Variants in COL25A1 observed in about 807,000 individuals in gnomAD.
COL25A1 encodes the protein collagen alpha-1(XXV) chain.
In COL25A1, 103 loss-of-function variants were observed where a neutral mutation model predicts 128.4. The observed-to-expected ratio is 0.80, with a 90% confidence interval of 0.68 to 0.94. The LOEUF (loss-of-function observed/expected upper bound fraction) is 0.94. COL25A1 is among the 40% of genes least tolerant of loss of function. The probability of loss-of-function intolerance (pLI) is 0.00; values close to 1 mark genes in which losing one functional copy is unlikely to be tolerated. For missense variants in COL25A1, 745 were observed against 840.0 expected (o/e 0.89, Z 1.40); for synonymous variants, 279 against 277.2 (o/e 1.01, Z -0.06).
chr4:109,072,618 C>T (rs1429033874), intron 3 of COL25A1, among the ~76,000 whole-genome samples: 1 of 152,276 alleles, frequency 6.6e-6, no homozygotes, highest in Non-Finnish European at 1.5e-5. Flanking sequence ...CACTTCTGTC[C>T]TTTCTAAGGT....
intron 24 of COL25A1, among the ~76,000 whole-genome samples, chr4:108,856,872 T>C (rs1736582414): frequency 6.6e-6 from 1 of 152,112 alleles, no homozygotes; most frequent in Admixed American, 6.6e-5. Flanking sequence ...AAAATCACCC[T>C]AAGAATAGTA....
Position 108,846,135 on chromosome 4 carries a change from A to G in COL25A1, c.1515+4T>C. On this transcript the variant is annotated splice_donor_region_variant and intron_variant, in intron 28 of 37. Coordinates refer to ENST00000399132, the MANE Select transcript of COL25A1 (RefSeq NM_198721.4). Reference sequence around the variant, plus strand: ...GTATAAACAAACAGAAAGTATAAACATACCGGTAATCCAGGAAGTCCAATT... The same window carrying G: ...GTATAAACAAACAGAAAGTATAAACGTACCGGTAATCCAGGAAGTCCAATT... 6.3e-7 allele frequency: 1 copy of G among 1,584,964 alleles called. No individual in the cohort carries two copies. Among genetic ancestry groups the G allele is most frequent in the Non-Finnish European group, 8.7e-7 (1 of 1,153,498 alleles).
chr4:109,300,108 G>C (rs568373547), intron 3 of COL25A1, among the ~76,000 whole-genome samples: 86 of 145,698 alleles, frequency 5.9e-4, no homozygotes, highest in African/African-American at 2.1e-3. Context: ...CTTTTTAATA[G>C]AACAGAAACA....
chr4:109,209,724 T>C (rs1560871598), intron 3 of COL25A1, among the ~76,000 whole-genome samples: 1 of 152,098 alleles, frequency 6.6e-6, no homozygotes, highest in Non-Finnish European at 1.5e-5. Flanking sequence ...TTTACTACTG[T>C]ATCTTATGTT....
At chr4:109,111,981 G>T (rs1055462066) in intron 3 of COL25A1, among the ~76,000 whole-genome samples, 1 of 151,980 alleles carries the variant, frequency 6.6e-6, no homozygotes, top group South Asian at 2.1e-4. Context: ...AGAATCTCAC[G>T]TTTAATCTAA....
In COL25A1 at chr4:108,947,271, G is replaced by A. The variant is rs147408822; in HGVS notation, c.493-5834C>T. On this transcript the variant is annotated intron_variant, in intron 8 of 37. Coordinates refer to ENST00000399132, the MANE Select transcript of COL25A1 (RefSeq NM_198721.4). ...AGCCTGGCCAACATGGTGAAACCCC[G>A]TCCCTACTAAAAATATGAAAATTAG... Among the ~76,000 whole-genome samples the A allele has an allele frequency of 4.8e-3, 726 of 151,948 alleles. 13 individuals carry two copies. In the East Asian group the frequency reaches 0.062, roughly 13 times the overall value.
intron 3 of COL25A1, among the ~76,000 whole-genome samples, chr4:109,239,270 T>C (rs1456424323): frequency 2.0e-5 from 3 of 150,004 alleles, no homozygotes; most frequent in Admixed American, 1.3e-4. Flanking sequence ...ATAATACAGC[T>C]ATACTATGTA....
chr4:108,856,429 G>T (rs1190634955), intron 24 of COL25A1, among the ~76,000 whole-genome samples: 3 of 152,092 alleles, frequency 2.0e-5, no homozygotes, highest in African/African-American at 7.2e-5. Flanking sequence ...ATTTTTGGCA[G>T]ATTGTTTTAA....
Position 109,060,653 on chromosome 4 carries a change from G to A in COL25A1, c.368-10474C>T, listed in dbSNP as rs2194859. On this transcript the variant is annotated intron_variant, in intron 3 of 37. Transcript: ENST00000399132. ...CCTTCGCAGATGGTACCTTCCACAC[G>A]TTGGGTGCTCAGTACCAACTCAGAC... Among the ~76,000 whole-genome samples the A allele has an allele frequency of 9.5e-4, 142 of 149,664 alleles. 1 individual carries two copies. In the East Asian group the frequency reaches 0.024, roughly 25 times the overall value.
intron 35 of COL25A1, chr4:108,823,966 C>T (rs1452276944): frequency 3.5e-6 from 5 of 1,444,968 alleles, no homozygotes; most frequent in East Asian, 2.8e-5. Context: ...ATAATTTTTT[C>T]TTCTATGCCA....
rs1730672932 is a variant in COL25A1, at chr4:108,810,086, G to A, written c.*3841C>T. 1.3e-5 allele frequency: 2 copies of A among 151,728 alleles called. No individual in the cohort carries two copies. The highest frequency in any genetic ancestry group is 1.3e-4 in the Admixed American group (2 of 15,224). The allele number at this position is 151,728 out of a possible 1,614,324, so 9.4% of individuals were successfully genotyped here. A position where few individuals can be genotyped will look rare whatever the true frequency, so the allele number is the denominator to read the frequency against. ...TGCTTATGATCACTTATTAGAAGATGTTAAAACACCACCAAAGTATAGCCC... is the reference window on the plus strand; with the variant it reads ...TGCTTATGATCACTTATTAGAAGATATTAAAACACCACCAAAGTATAGCCC... On this transcript the variant is annotated 3_prime_UTR_variant, in exon 38 of 38. Transcript: ENST00000399132.
intron 3 of COL25A1, among the ~76,000 whole-genome samples, chr4:109,254,808 T>C (rs1490748904): frequency 3.9e-5 from 6 of 152,098 alleles, no homozygotes; most frequent in Admixed American, 3.9e-4. Flanking sequence ...TGCTACATTT[T>C]TGACAGGGTT....
In COL25A1 at chr4:109,056,722, G is replaced by A. The variant is rs546408338; in HGVS notation, c.368-6543C>T. 3.3e-5 allele frequency among the ~76,000 whole-genome samples: 5 copies of A among 152,246 alleles called. No individual in the cohort carries two copies. The East Asian group carries it at 9.7e-4, about 29-fold the overall frequency. ...TTAGACCACCTAAAGCCAACTGAGA[G>A]GATATGTATGTGTGTACTGGTTTAA... On this transcript the variant is annotated intron_variant, in intron 3 of 37. Transcript: ENST00000399132.
intron 24 of COL25A1, among the ~76,000 whole-genome samples, chr4:108,856,084 G>A (rs1412744615): frequency 6.6e-6 from 1 of 152,110 alleles, no homozygotes; most frequent in Non-Finnish European, 1.5e-5. Flanking sequence ...CCTGCTTTGT[G>A]ATTTATTCCC....
At chr4:109,250,621 A>G (rs1336862380) in intron 3 of COL25A1, among the ~76,000 whole-genome samples, 3 of 152,174 alleles carry the variant, frequency 2.0e-5, no homozygotes, top group Non-Finnish European at 2.9e-5. Flanking sequence ...ATGACAGAGA[A>G]AGCAAATTCT....
At chr4:108,842,838 A>G (rs1734605100) in intron 30 of COL25A1, among the ~76,000 whole-genome samples, 1 of 152,172 alleles carries the variant, frequency 6.6e-6, no homozygotes, top group African/African-American at 2.4e-5. Flanking sequence ...TTAATGAACC[A>G]TCCAGTTTTA....
At chr4:109,166,897 G>A (rs1444957459) in intron 3 of COL25A1, among the ~76,000 whole-genome samples, 4 of 152,124 alleles carry the variant, frequency 2.6e-5, no homozygotes, top group African/African-American at 4.8e-5. Context: ...ATATTTCTAC[G>A]AGAGTTTCTT....
intron 22 of COL25A1, among the ~76,000 whole-genome samples, 185 bp downstream of exon 22, chr4:108,862,316 A>T (rs1737327910): frequency 1.3e-5 from 2 of 152,232 alleles, no homozygotes; most frequent in Admixed American, 6.5e-5. Context: ...AAGCAAGATG[A>T]AACAAACGTA....
chr4:108,815,843 G>T (rs920728786), intron 37 of COL25A1, among the ~76,000 whole-genome samples: 1 of 152,068 alleles, frequency 6.6e-6, no homozygotes, highest in African/African-American at 2.4e-5. Flanking sequence ...CCTTTAAAAA[G>T]GCAGCAATTC....
Sources: allele counts gnomAD v4.1 joint callset (sites outside exome capture counted in the v4.1 genomes callset), GRCh38; gene constraint gnomAD v4.1.1; transcripts MANE v1.5; gene names NCBI Gene and HGNC (gene_info 2026-07-23, HGNC 2026-07-21).